PCDH15: variants seen among roughly 807,000 people sequenced by gnomAD.
The protein encoded by PCDH15 is protocadherin related 15, also known as protocadherin-15.
PCDH15 carries 129 observed loss-of-function variants against 178.5 expected under a neutral mutation model. That is an observed-to-expected ratio of 0.72 (90% CI 0.63 to 0.84). PCDH15 has a LOEUF of 0.84. Ranked by LOEUF, PCDH15 falls within the 40% of genes least tolerant of loss-of-function variation. The pLI is 0.00. For missense variants in PCDH15, 2,230 were observed against 2,099.9 expected (o/e 1.06, Z -1.21); for synonymous variants, 800 against 732.0 (o/e 1.09, Z -1.50).
intron 13 of PCDH15, among the ~76,000 whole-genome samples, chr10:54,182,608 G>A (rs2048095435): frequency 6.6e-6 from 1 of 151,758 alleles, no homozygotes; most frequent in Non-Finnish European, 1.5e-5. Context: ...GAATAAAGAT[G>A]TTGCCTGACT....
chr10:55,352,212 G>A (rs901097525), intron 2 of PCDH15, among the ~76,000 whole-genome samples: 8 of 152,022 alleles, frequency 5.3e-5, no homozygotes, highest in African/African-American at 1.7e-4. Flanking sequence ...TTTAATATGT[G>A]TTTATCACTT....
At chr10:54,693,885 CAAGAA>C in intron 1 of PCDH15, among the ~76,000 whole-genome samples, 1 of 151,984 alleles carries the variant, frequency 6.6e-6, no homozygotes. Context: ...AGAAATCGTA[CAAGAA>C]AAAACCAAAC....
chr10:53,992,211 C>G (rs561430624), intron 21 of PCDH15, among the ~76,000 whole-genome samples: 1 of 152,226 alleles, frequency 6.6e-6, no homozygotes, highest in African/African-American at 2.4e-5. Context: ...TGCAGTTTCA[C>G]TGTTGAAGCC....
At chr10:54,864,925 T>G (rs1436690681) in intron 3 of PCDH15, 1 of 152,098 alleles carries the variant, frequency 6.6e-6, no homozygotes, top group Non-Finnish European at 1.5e-5. Flanking sequence ...TTAGCTCATA[T>G]CCAAAGAGAG....
At position 54,288,430 on chromosome 10, in the gene PCDH15, G is replaced by C. The variant is rs181622447; in HGVS notation, c.876+28841C>G. On this transcript the variant is annotated intron_variant, in intron 8 of 37. Coordinates refer to ENST00000644397, the MANE Select transcript of PCDH15 (RefSeq NM_001384140.1). ...AAGATGGCTGAATAGGAACAGCTCC[G>C]GTCTGCAGCTCCCAGTGTGACTGAC... Among the ~76,000 whole-genome samples the C allele has an allele frequency of 6.8e-3, 1,040 of 152,216 alleles. 7 individuals carry two copies. The highest frequency in any genetic ancestry group is 0.048 in the Middle Eastern group (14 of 294).
intron 23 of PCDH15, among the ~76,000 whole-genome samples, chr10:53,957,756 G>T (rs1349639516): frequency 6.6e-6 from 1 of 151,958 alleles, no homozygotes; most frequent in Non-Finnish European, 1.5e-5. Flanking sequence ...GGATAAGGAG[G>T]GGACTACTGT....
intron 20 of PCDH15, among the ~76,000 whole-genome samples, chr10:54,000,305 C>T (rs1264278759): frequency 6.6e-6 from 1 of 152,040 alleles, no homozygotes; most frequent in Non-Finnish European, 1.5e-5. Context: ...CAATATCATC[C>T]AGGAAAACAT....
At chr10:53,953,975 A>G (rs2087353824) in intron 23 of PCDH15, among the ~76,000 whole-genome samples, 1 of 152,034 alleles carries the variant, frequency 6.6e-6, no homozygotes, top group South Asian at 2.1e-4. Context: ...TATTTTTAGT[A>G]GAGACAGGGT....
At chr10:54,410,842 C>G (rs1953383622) in intron 3 of PCDH15, among the ~76,000 whole-genome samples, 1 of 151,870 alleles carries the variant, frequency 6.6e-6, no homozygotes, top group African/African-American at 2.4e-5. Flanking sequence ...AATGATAGAC[C>G]CACTGTGAGC....
intron 2 of PCDH15, among the ~76,000 whole-genome samples, chr10:55,446,768 T>C (rs1839327380): frequency 6.6e-6 from 1 of 152,106 alleles, no homozygotes; most frequent in African/African-American, 2.4e-5. Flanking sequence ...GTGAAGAACA[T>C]ACCTAGCTAA....
intron 2 of PCDH15, among the ~76,000 whole-genome samples, chr10:55,069,371 C>T (rs1841660453): frequency 6.8e-6 from 1 of 147,240 alleles, no homozygotes; most frequent in Non-Finnish European, 1.5e-5. Flanking sequence ...TGGTGTGCTG[C>T]ACCCATTAAC....
chr10:54,516,509 A>T (rs953054782), intron 3 of PCDH15, among the ~76,000 whole-genome samples: 5 of 152,038 alleles, frequency 3.3e-5, no homozygotes, highest in African/African-American at 1.2e-4. Context: ...AAGTTTAGAG[A>T]AAAAAGAATA....
intron 2 of PCDH15, among the ~76,000 whole-genome samples, chr10:55,557,689 G>C (rs2132094805): frequency 6.6e-6 from 1 of 152,258 alleles, no homozygotes; most frequent in South Asian, 2.1e-4. Flanking sequence ...ATGGGTTTCA[G>C]AGTAATGAAG....
At chr10:55,439,594 CA>C (rs1839132116) in intron 2 of PCDH15, among the ~76,000 whole-genome samples, 1 of 94,274 alleles carries the variant, frequency 1.1e-5, no homozygotes, top group South Asian at 3.1e-4. Flanking sequence ...CAGTTTATGG[CA>C]TTTTTTTTTT....
At chr10:54,240,626 CTTT>C (rs1228784141) in intron 8 of PCDH15, among the ~76,000 whole-genome samples, 1 of 79,662 alleles carries the variant, frequency 1.3e-5, no homozygotes, top group Non-Finnish European at 2.3e-5. Flanking sequence ...TTTTCTTTTG[CTTT>C]TTTTTTTTTT....
At chr10:54,922,229 A>C (rs1362918614) in intron 2 of PCDH15, among the ~76,000 whole-genome samples, 1 of 152,104 alleles carries the variant, frequency 6.6e-6, no homozygotes, top group African/African-American at 2.4e-5. Context: ...GCATTAAGTC[A>C]AAAGTCCAAG....
At chr10:54,867,198 A>G (rs900229131) in intron 3 of PCDH15, among the ~76,000 whole-genome samples, 2 of 152,170 alleles carry the variant, frequency 1.3e-5, no homozygotes, top group African/African-American at 4.8e-5. Context: ...GAGAATAAAC[A>G]GTGTGCTTTC....
At chr10:54,790,151 G>C (rs1024696630) in intron 1 of PCDH15, among the ~76,000 whole-genome samples, 1 of 151,700 alleles carries the variant, frequency 6.6e-6, no homozygotes, top group African/African-American at 2.4e-5. Flanking sequence ...AATTGTCAGA[G>C]AGCCACCAGA....
At chr10:54,766,965 C>G (rs1419238939) in intron 1 of PCDH15, among the ~76,000 whole-genome samples, 1 of 151,810 alleles carries the variant, frequency 6.6e-6, no homozygotes, top group African/African-American at 2.4e-5. Context: ...CACTATACAC[C>G]TTTTTGTGTT....
Sources: gnomAD v4.1 joint callset for allele counts (sites outside exome capture counted in the v4.1 genomes callset) on GRCh38, gnomAD v4.1.1 for gene constraint, MANE v1.5 for transcripts, NCBI Gene and HGNC (gene_info 2026-07-23, HGNC 2026-07-21) for gene names.